SEPTIN10: variants seen among roughly 807,000 people sequenced by gnomAD.
SEPTIN10 encodes the protein septin 10.
A neutral mutation model predicts 54.8 loss-of-function variants in SEPTIN10; 66 were observed. The observed-to-expected ratio is 1.21, with a 90% CI of 0.99 to 1.48. The LOEUF is 1.48. Ranked by LOEUF, SEPTIN10 falls within the 40% of genes most tolerant of loss-of-function variation. The probability of loss-of-function intolerance (pLI) is 0.00; values close to 1 mark genes in which losing one functional copy is unlikely to be tolerated. For missense variants in SEPTIN10, 620 were observed against 545.6 expected, an observed-to-expected ratio of 1.14 and a Z score of -1.36; for synonymous variants, 161 against 181.0, an observed-to-expected ratio of 0.89 and a Z score of 0.89.
chr2:109,554,757 G>A (rs191602230), intron 8 of SEPTIN10, among the ~76,000 whole-genome samples: 9 of 152,206 alleles, frequency 5.9e-5, no homozygotes, highest in African/African-American at 2.2e-4. Context: ...CCTCATATAT[G>A]TAACAGGTAC....
At chr2:109,596,557 C>T (rs1395206759) in intron 1 of SEPTIN10, among the ~76,000 whole-genome samples, 28 of 151,422 alleles carry the variant, frequency 1.8e-4, no homozygotes, top group Admixed American at 1.7e-3. Flanking sequence ...GCAGAGCTTG[C>T]AGTGAGCAGA....
chr2:109,613,505 G>A (rs1699738716), intron 1 of SEPTIN10: 2 of 239,362 alleles, frequency 8.4e-6, no homozygotes, highest in Admixed American at 4.9e-5. Flanking sequence ...AAACACCGCT[G>A]TGGATGTAAC....
intron 5 of SEPTIN10, among the ~76,000 whole-genome samples, chr2:109,568,741 G>A (rs1406123668): frequency 1.3e-5 from 2 of 152,064 alleles, no homozygotes; most frequent in South Asian, 4.1e-4. Context: ...TGATCCCTCA[G>A]CAAAACTAAA....
intron 1 of SEPTIN10, among the ~76,000 whole-genome samples, chr2:109,607,665 G>T (rs1698306087): frequency 6.6e-6 from 1 of 151,940 alleles, no homozygotes; most frequent in South Asian, 2.1e-4. Context: ...TTCTCCTGAG[G>T]GGGTAATAAT....
At chr2:109,577,966 G>A (rs1301585225) in intron 4 of SEPTIN10, among the ~76,000 whole-genome samples, 2 of 149,900 alleles carry the variant, frequency 1.3e-5, no homozygotes, top group Middle Eastern at 3.2e-3. Context: ...CAGGAGAAGC[G>A]GTTAAATGAA....
chr2:109,574,678 T>TGGTA lies in SEPTIN10; in HGVS notation c.499_502dup (p.His168LeufsTer3). 6.2e-7 allele frequency: 1 copy of TGGTA among 1,610,350 alleles called. No individual in the cohort carries two copies. The highest frequency in any genetic ancestry group is 8.5e-7 in the Non-Finnish European group (1 of 1,178,274). On this transcript the variant is annotated frameshift_variant, in exon 5 of 11. Transcript: ENST00000397712. LOFTEE classifies it high-confidence loss of function. Reference sequence around the variant, plus strand: ...GAGACACACATGGATGCGAGAATCATGGTAGGTAAAGAGAGAACGCTTAAT... The same window carrying TGGTA: ...GAGACACACATGGATGCGAGAATCATGGTAGGTAGGTAAAGAGAGAACGCTTAAT...
chr2:109,574,554 G>T, intron 5 of SEPTIN10, 27 bp downstream of exon 5: 2 of 1,390,282 alleles, frequency 1.4e-6, no homozygotes, highest in Non-Finnish European at 1.9e-6. Context: ...TTAAAGTATG[G>T]TAAGTTGATT....
At chr2:109,553,038 T>C (rs776801852) in intron 9 of SEPTIN10, 49 bp downstream of exon 9, 2 of 1,587,014 alleles carry the variant, frequency 1.3e-6, no homozygotes, top group South Asian at 1.2e-5. Flanking sequence ...TCCAAATTAA[T>C]AGGACATCTA....
chr2:109,585,100 T>C, intron 4 of SEPTIN10, 26 bp downstream of exon 4: 1 of 1,455,834 alleles, frequency 6.9e-7, no homozygotes, highest in Non-Finnish European at 9.2e-7. Context: ...GAAAAACTTG[T>C]TTTATTACAA....
chr2:109,547,119 T>G (rs1681459960), intron 9 of SEPTIN10, among the ~76,000 whole-genome samples: 1 of 152,208 alleles, frequency 6.6e-6, no homozygotes, highest in African/African-American at 2.4e-5. Context: ...CTTTTGGGCC[T>G]GGAGACTGGT....
intron 2 of SEPTIN10, among the ~76,000 whole-genome samples, chr2:109,588,631 T>C (rs2105854068): frequency 6.6e-6 from 1 of 151,964 alleles, no homozygotes. Flanking sequence ...GTAGCTGGGA[T>C]AATAGGCGCC....
At chr2:109,613,712 G>T in intron 1 of SEPTIN10, 86 bp downstream of exon 1, 1 of 927,128 alleles carries the variant, frequency 1.1e-6, no homozygotes, top group Non-Finnish European at 1.4e-6. Context: ...TCCCGGGCCG[G>T]ACCAGGGGGC....
Position 109,593,105 on chromosome 2 carries a change from G to A in SEPTIN10, c.45C>T (p.His15=), listed in dbSNP as rs758146671. Reference sequence around the variant, plus strand: ...ACATACAAGTTGTTTTCGTTGCCATGTGAGACTGAAAGAGCTAAAAAAGGA... The same window carrying A: ...ACATACAAGTTGTTTTCGTTGCCATATGAGACTGAAAGAGCTAAAAAAGGA... The part of the protein sequence containing the change: ...EVARHLLFQS[H]MATKTTCMSS... Residue 15 remains histidine (H), a synonymous_variant, in exon 2 of 11, where the codon CAC becomes CAT. Transcript: ENST00000397712. 3.8e-6 allele frequency: 6 copies of A among 1,599,746 alleles called. No homozygotes were observed. The Admixed American group carries it at 6.9e-5, about 18-fold the overall frequency.
At chr2:109,551,712 C>T (rs1025151212) in intron 9 of SEPTIN10, among the ~76,000 whole-genome samples, 1 of 152,116 alleles carries the variant, frequency 6.6e-6, no homozygotes, top group Non-Finnish European at 1.5e-5. Context: ...TTTACAAAAC[C>T]ATTTCCTGCA....
intron 5 of SEPTIN10, among the ~76,000 whole-genome samples, chr2:109,570,981 G>A (rs1478092523): frequency 6.6e-6 from 1 of 152,146 alleles, no homozygotes; most frequent in Admixed American, 6.5e-5. Context: ...CAGTGTTGGA[G>A]GGGTCTGGTG....
At chr2:109,613,611 C>A (rs564357270) in intron 1 of SEPTIN10, 187 bp downstream of exon 1, 12 of 327,482 alleles carry the variant, frequency 3.7e-5, no homozygotes, top group African/African-American at 2.2e-4. Flanking sequence ...GCCCAGGCTC[C>A]GCAGAGGCTC....
intron 1 of SEPTIN10, among the ~76,000 whole-genome samples, chr2:109,608,559 T>C (rs1475492250): frequency 2.6e-5 from 4 of 152,206 alleles, no homozygotes; most frequent in African/African-American, 7.2e-5. Context: ...GGGGAGCCCA[T>C]CCTACCTGGC....
intron 5 of SEPTIN10, 132 bp downstream of exon 5, chr2:109,574,449 A>T (rs1211317720): frequency 1.1e-4 from 64 of 578,274 alleles, no homozygotes; most frequent in African/African-American, 9.6e-4. Flanking sequence ...TCTCTAAAAA[A>T]AAAAAAAAAA....
At chr2:109,581,466 T>C (rs144416385) in intron 4 of SEPTIN10, among the ~76,000 whole-genome samples, 2 of 151,196 alleles carry the variant, frequency 1.3e-5, no homozygotes, top group African/African-American at 4.9e-5. Flanking sequence ...ATCAGTAAAG[T>C]TTATTCTATG....
Sources: allele counts gnomAD v4.1 joint callset (sites outside exome capture counted in the v4.1 genomes callset), GRCh38; gene constraint gnomAD v4.1.1; transcripts MANE v1.5; gene names NCBI Gene and HGNC (gene_info 2026-07-23, HGNC 2026-07-21).